The following REV1 variants were observed in gnomAD, a reference collection of about 807,000 sequenced individuals.
The protein encoded by REV1 is REV1 DNA directed polymerase.
A neutral mutation model predicts 137.4 loss-of-function variants in REV1; 42 were observed. The ratio of observed to expected loss-of-function variants is 0.31; its 90% confidence interval spans 0.24 to 0.40. REV1 has a LOEUF of 0.40. Ranked by LOEUF, REV1 falls within the 10% of genes least tolerant of loss-of-function variation. The pLI is 1.00. For missense variants in REV1, 1,282 were observed against 1,490.1 expected (o/e 0.86, Z 2.30); for synonymous variants, 524 against 519.2 (o/e 1.01, Z -0.12).
At chr2:99,463,937 T>C (rs1018656135) in intron 2 of REV1, among the ~76,000 whole-genome samples, 3 of 152,180 alleles carry the variant, frequency 2.0e-5, no homozygotes, top group African/African-American at 7.2e-5. Context: ...GAGCATATTT[T>C]AGACTGGCTT....
intron 5 of REV1, among the ~76,000 whole-genome samples, chr2:99,441,992 G>C (rs986055431): frequency 1.3e-5 from 2 of 152,070 alleles, no homozygotes; most frequent in East Asian, 1.9e-4. Flanking sequence ...GGTGGCTCAT[G>C]CCTGTAACCC....
At chr2:99,454,277 C>T (rs529762233) in intron 3 of REV1, among the ~76,000 whole-genome samples, 6 of 152,028 alleles carry the variant, frequency 3.9e-5, no homozygotes, top group Admixed American at 2.6e-4. Flanking sequence ...AGGCTGGGCA[C>T]GGTGGGTCAC....
At chr2:99,478,494 G>C (rs1686231570) in intron 1 of REV1, among the ~76,000 whole-genome samples, 1 of 152,170 alleles carries the variant, frequency 6.6e-6, no homozygotes, top group Non-Finnish European at 1.5e-5. Flanking sequence ...AGAGTCTAGA[G>C]GAAGGAGGAA....
chr2:99,458,777 T>C (rs1214248745), intron 3 of REV1, among the ~76,000 whole-genome samples: 1 of 152,220 alleles, frequency 6.6e-6, no homozygotes, highest in African/African-American at 2.4e-5. Context: ...AAAGGTTATA[T>C]GCTGTATGTT....
At chr2:99,475,052 C>T (rs1309263684) in intron 1 of REV1, among the ~76,000 whole-genome samples, 3 of 152,104 alleles carry the variant, frequency 2.0e-5, no homozygotes, top group Non-Finnish European at 2.9e-5. Flanking sequence ...GCTTGTTCCC[C>T]GGTGCCATAA....
chr2:99,464,899 A>G, intron 2 of REV1, 23 bp downstream of exon 2: 1 of 1,605,908 alleles, frequency 6.2e-7, no homozygotes, highest in South Asian at 1.1e-5. Context: ...CGATATAATT[A>G]TTTTTACTCT....
intron 4 of REV1, among the ~76,000 whole-genome samples, chr2:99,445,885 C>G (rs749406001): frequency 2.0e-5 from 3 of 152,168 alleles, no homozygotes; most frequent in Non-Finnish European, 2.9e-5. Flanking sequence ...CACATACTTA[C>G]AAGTGGCAGT....
chr2:99,436,043 C>T, intron 6 of REV1, 102 bp from the exon 7 acceptor site: 2 of 717,664 alleles, frequency 2.8e-6, no homozygotes, highest in Non-Finnish European at 4.8e-6. Context: ...ATGCTTACAC[C>T]CAGAATGGAG....
intron 12 of REV1, 151 bp from the exon 13 acceptor site, chr2:99,413,102 G>T: frequency 1.6e-6 from 1 of 632,516 alleles, no homozygotes. Flanking sequence ...ACAGGCTGAA[G>T]AATTTTTTGG....
At chr2:99,421,283 A>G (rs1678638294) in intron 11 of REV1, among the ~76,000 whole-genome samples, 2 of 152,146 alleles carry the variant, frequency 1.3e-5, no homozygotes, top group African/African-American at 2.4e-5. Flanking sequence ...TTTTTTAAGA[A>G]TAAGTAAGAA....
chr2:99,461,639 A>T (rs1684218153), intron 3 of REV1, among the ~76,000 whole-genome samples: 1 of 152,230 alleles, frequency 6.6e-6, no homozygotes, highest in Non-Finnish European at 1.5e-5. Context: ...AAGAATCCCC[A>T]AGAAAATAGA....
chr2:99,440,565 A>T (rs1463463082), intron 5 of REV1, among the ~76,000 whole-genome samples: 1 of 152,256 alleles, frequency 6.6e-6, no homozygotes, highest in Non-Finnish European at 1.5e-5. Context: ...ATGCTCACAG[A>T]TGATCATGCC....
chr2:99,485,301 T>C (rs993351681), intron 1 of REV1, among the ~76,000 whole-genome samples: 1 of 152,202 alleles, frequency 6.6e-6, no homozygotes, highest in Non-Finnish European at 1.5e-5. Flanking sequence ...TTCTTTCTTC[T>C]CTTATTTCTG....
chr2:99,421,705 A>G, intron 10 of REV1, 52 bp from the exon 11 acceptor site: 1 of 1,572,692 alleles, frequency 6.4e-7, no homozygotes, highest in Non-Finnish European at 8.6e-7. Context: ...ACCATCTGGT[A>G]GACCCAATGT....
intron 15 of REV1, among the ~76,000 whole-genome samples, chr2:99,407,657 A>G (rs975945270): frequency 6.6e-6 from 1 of 152,160 alleles, no homozygotes; most frequent in Non-Finnish European, 1.5e-5. Context: ...CTTCTAGGTC[A>G]TCATACAGCA....
intron 1 of REV1, among the ~76,000 whole-genome samples, chr2:99,476,081 G>A (rs1487379222): frequency 6.6e-6 from 1 of 152,168 alleles, no homozygotes; most frequent in Non-Finnish European, 1.5e-5. Flanking sequence ...GCAACTTTAC[G>A]TAACTTTTTC....
intron 5 of REV1, among the ~76,000 whole-genome samples, chr2:99,441,667 T>C (rs1222683218): frequency 3.3e-5 from 5 of 152,196 alleles, no homozygotes; most frequent in Admixed American, 3.3e-4. Context: ...CTGGTGCAGT[T>C]AGTTCCATTT....
intron 1 of REV1, among the ~76,000 whole-genome samples, chr2:99,482,882 T>G (rs1210646444): frequency 6.6e-6 from 1 of 152,022 alleles, no homozygotes; most frequent in African/African-American, 2.4e-5. Flanking sequence ...CTGGGCGTGG[T>G]GGCAGGTGCC....
At chr2:99,405,871 G>A (rs752245509) in intron 17 of REV1, 39 bp downstream of exon 17, 47 of 1,281,658 alleles carry the variant, frequency 3.7e-5, no homozygotes, top group Non-Finnish European at 4.3e-5. Flanking sequence ...ATATTTAGGA[G>A]TATAAAATGT....
Sources: allele counts gnomAD v4.1 joint callset (sites outside exome capture counted in the v4.1 genomes callset), GRCh38; gene constraint gnomAD v4.1.1; transcripts MANE v1.5; gene names NCBI Gene and HGNC (gene_info 2026-07-23, HGNC 2026-07-21).